The following GRID1 variants were observed in gnomAD, a reference collection of about 807,000 sequenced individuals.
The protein encoded by GRID1 is glutamate ionotropic receptor delta type subunit 1.
Under a neutral mutation model 98.0 loss-of-function variants are expected in GRID1, and 28 were observed. The observed-to-expected ratio is 0.29, with a 90% CI of 0.21 to 0.39. GRID1 has a LOEUF of 0.39. GRID1 is among the 10% of genes least tolerant of loss of function. The pLI is 1.00. For synonymous variants in GRID1, 553 were observed against 538.5 expected (o/e 1.03, Z -0.37); for missense variants, 1,111 against 1,340.5 (o/e 0.83, Z 2.67).
At chr10:85,998,885 C>A (rs933826567) in intron 4 of GRID1, among the ~76,000 whole-genome samples, 2 of 152,184 alleles carry the variant, frequency 1.3e-5, no homozygotes, top group Non-Finnish European at 2.9e-5. Context: ...TTAAACCTAG[C>A]AGCTTAGATG....
At chr10:85,877,011 C>G (rs1036649662) in intron 5 of GRID1, among the ~76,000 whole-genome samples, 1 of 152,204 alleles carries the variant, frequency 6.6e-6, no homozygotes, top group Admixed American at 6.5e-5. Flanking sequence ...ATTGCTAGCA[C>G]AGCAGTCTGA....
At chr10:86,354,171 C>T (rs949926838) in intron 2 of GRID1, among the ~76,000 whole-genome samples, 1 of 152,110 alleles carries the variant, frequency 6.6e-6, no homozygotes, top group African/African-American at 2.4e-5. Context: ...AGAAGACAGC[C>T]TTCCAGGCCA....
rs1845385306 is a variant in GRID1 at position 86,165,464 on chromosome 10, T to A, written c.521-26440A>T. 4.6e-5 allele frequency among the ~76,000 whole-genome samples: 7 copies of A among 152,216 alleles called. No homozygotes were observed. In the South Asian group the frequency reaches 1.5e-3, roughly 32 times the overall value. On this transcript the variant is annotated intron_variant, in intron 3 of 15. Coordinates refer to ENST00000327946, the MANE Select transcript of GRID1 (RefSeq NM_017551.3). ...AGGGCAGAACTGCAGCATTGCTTGCTGGCCTCCTGGAGACAGAGGGCTGGG... is the reference window on the plus strand; with the variant it reads ...AGGGCAGAACTGCAGCATTGCTTGCAGGCCTCCTGGAGACAGAGGGCTGGG...
intron 4 of GRID1, among the ~76,000 whole-genome samples, chr10:86,014,110 C>A (rs1015744087): frequency 5.3e-5 from 8 of 152,176 alleles, no homozygotes; most frequent in African/African-American, 1.9e-4. Context: ...TCTACTTTTT[C>A]CAGGCTACAG....
chr10:85,674,178 T>C (rs1342937989), intron 12 of GRID1, among the ~76,000 whole-genome samples: 1 of 152,248 alleles, frequency 6.6e-6, no homozygotes, highest in Non-Finnish European at 1.5e-5. Flanking sequence ...CTTTTCTCTC[T>C]GGGCTTCTTC....
chr10:85,621,437 G>A (rs1324799780), intron 13 of GRID1, among the ~76,000 whole-genome samples: 2 of 152,140 alleles, frequency 1.3e-5, no homozygotes, highest in African/African-American at 4.8e-5. Flanking sequence ...CTACTTAGAT[G>A]AAGTTAGTCA....
At chr10:85,870,567 T>C (rs1333325789) in intron 5 of GRID1, among the ~76,000 whole-genome samples, 1 of 152,226 alleles carries the variant, frequency 6.6e-6, no homozygotes. Context: ...TAACAAGTTC[T>C]GGAGGAGAAA....
At chr10:86,311,253 T>G (rs1300197277) in intron 2 of GRID1, among the ~76,000 whole-genome samples, 1 of 152,164 alleles carries the variant, frequency 6.6e-6, no homozygotes, top group African/African-American at 2.4e-5. Flanking sequence ...AGCCAGCAAG[T>G]ACAGACTCAG....
chr10:85,772,568 A>G (rs1315187660), intron 8 of GRID1, among the ~76,000 whole-genome samples: 1 of 152,250 alleles, frequency 6.6e-6, no homozygotes, highest in Non-Finnish European at 1.5e-5. Flanking sequence ...AAACTGATAG[A>G]CTGCTAGCAA....
chr10:85,688,495 C>T lies in GRID1; in HGVS notation c.1997+34508G>A, dbSNP rs142263398. On this transcript the variant is annotated intron_variant, in intron 12 of 15. Coordinates refer to ENST00000327946, the MANE Select transcript of GRID1 (RefSeq NM_017551.3). ...TCCCAAAGTGCTTGAATTACAGGCA[C>T]GGGCCATCACACATGACCTAGAAAT... is the stretch of plus-strand genomic sequence containing the variant. 5.6e-4 allele frequency among the ~76,000 whole-genome samples: 85 copies of T among 152,222 alleles called. 1 individual carries two copies. The highest frequency in any genetic ancestry group is 2.0e-3 in the Admixed American group (30 of 15,286).
intron 4 of GRID1, among the ~76,000 whole-genome samples, chr10:85,997,527 T>C: frequency 6.6e-6 from 1 of 152,054 alleles, no homozygotes; most frequent in Admixed American, 6.5e-5. Context: ...TATAAAAACG[T>C]AAGTATGCAT....
chr10:86,319,019 G>A (rs951653488), intron 2 of GRID1, among the ~76,000 whole-genome samples: 5 of 152,176 alleles, frequency 3.3e-5, no homozygotes, highest in African/African-American at 9.7e-5. Flanking sequence ...GAAGGTAGAA[G>A]GGAAGCCATT....
At chr10:86,138,790 C>T (rs1195665918) in intron 4 of GRID1, 29 bp downstream of exon 4, 4 of 1,577,774 alleles carry the variant, frequency 2.5e-6, no homozygotes, top group South Asian at 2.2e-5. Flanking sequence ...GGCACCAGGC[C>T]CCTGAGGCCT....
chr10:86,059,954 T>C (rs1299692240), intron 4 of GRID1, among the ~76,000 whole-genome samples: 4 of 152,224 alleles, frequency 2.6e-5, no homozygotes, highest in Admixed American at 6.5e-5. Context: ...AATTCTCCAG[T>C]GACAGCATTT....
At chr10:86,177,651 G>T (rs1342963634) in intron 3 of GRID1, among the ~76,000 whole-genome samples, 1 of 151,396 alleles carries the variant, frequency 6.6e-6, no homozygotes. Context: ...GTATGCATGT[G>T]TGTGTGAGAG....
chr10:85,895,804 T>G (rs906494363), intron 5 of GRID1, among the ~76,000 whole-genome samples: 1 of 152,172 alleles, frequency 6.6e-6, no homozygotes, highest in Admixed American at 6.5e-5. Context: ...CTGACCCAGA[T>G]GCAGATGATC....
intron 5 of GRID1, among the ~76,000 whole-genome samples, chr10:85,869,980 G>C (rs1352068365): frequency 6.6e-6 from 1 of 152,186 alleles, no homozygotes; most frequent in Non-Finnish European, 1.5e-5. Context: ...GCTTCCATGA[G>C]GAATCTGACA....
chr10:85,926,956 C>A (rs76766144), intron 4 of GRID1, among the ~76,000 whole-genome samples: 1 of 152,162 alleles, frequency 6.6e-6, no homozygotes, highest in Non-Finnish European at 1.5e-5. Context: ...GTTCCCCTAA[C>A]CTTTATCAAT....
At chr10:85,635,202 T>C (rs1011094860) in intron 13 of GRID1, among the ~76,000 whole-genome samples, 1 of 152,140 alleles carries the variant, frequency 6.6e-6, no homozygotes, top group Non-Finnish European at 1.5e-5. Context: ...GAGATTTGCT[T>C]GGCAATGCTC....
Sources: gnomAD v4.1 joint callset for allele counts (sites outside exome capture counted in the v4.1 genomes callset) on GRCh38, gnomAD v4.1.1 for gene constraint, MANE v1.5 for transcripts, NCBI Gene and HGNC (gene_info 2026-07-23, HGNC 2026-07-21) for gene names.